Variants in NAA16 observed in about 807,000 individuals in gnomAD.
NAA16 encodes N-alpha-acetyltransferase 16, NatA auxiliary subunit.
In NAA16, 97 loss-of-function variants were observed where a neutral mutation model predicts 110.3. The ratio of observed to expected loss-of-function variants is 0.88; its 90% CI spans 0.75 to 1.04. The LOEUF (loss-of-function observed/expected upper bound fraction) is 1.04. Among genes scored for constraint, NAA16 ranks in the 50% least tolerant of loss-of-function variants. NAA16 has a pLI of 0.00. For missense variants in NAA16, 1,017 were observed against 1,005.1 expected, an observed-to-expected ratio of 1.01 and a Z score of -0.16; for synonymous variants, 372 against 330.6, an observed-to-expected ratio of 1.13 and a Z score of -1.36.
intron 15 of NAA16, among the ~76,000 whole-genome samples, chr13:41,369,805 T>C (rs544436553): frequency 1.2e-4 from 19 of 152,300 alleles, no homozygotes; most frequent in African/African-American, 4.6e-4. Flanking sequence ...AAAAAGGCAT[T>C]GAACGGATTC....
In NAA16 at chr13:41,339,439, G is replaced by A. The variant is rs535729399; in HGVS notation, c.1014+2683G>A. 1.7e-3 allele frequency among the ~76,000 whole-genome samples: 259 copies of A among 152,002 alleles called. 3 individuals are homozygous for A. The highest frequency in any genetic ancestry group is 6.0e-3 in the African/African-American group (250 of 41,450). On this transcript the variant is annotated intron_variant, in intron 9 of 19. Coordinates refer to ENST00000379406, the MANE Select transcript of NAA16 (RefSeq NM_024561.5). ...CAGGCGTGAGCCACCGCGCCTGGCC[G>A]AAATGTATTTCTTAAATGTCTCCAG...
intron 16 of NAA16, 47 bp from the exon 17 acceptor site, chr13:41,372,685 A>T: frequency 6.7e-7 from 1 of 1,486,940 alleles, no homozygotes; most frequent in South Asian, 1.4e-5. Flanking sequence ...TGAGGAAAAT[A>T]CTGTGTAAGT....
At chr13:41,355,806 G>A (rs928261498) in intron 10 of NAA16, among the ~76,000 whole-genome samples, 5 of 152,104 alleles carry the variant, frequency 3.3e-5, no homozygotes, top group African/African-American at 1.2e-4. Flanking sequence ...GTTTATATTG[G>A]AACCTGTTTT....
chr13:41,311,683 C>A (rs370258213), intron 1 of NAA16, 101 bp downstream of exon 1: 20 of 1,021,670 alleles, frequency 2.0e-5, no homozygotes, highest in Non-Finnish European at 2.8e-5. Context: ...GGCTTGGCCT[C>A]CGCTGCCCAC....
At chr13:41,375,233 G>C (rs897957956) in intron 19 of NAA16, among the ~76,000 whole-genome samples, 172 bp from the exon 20 acceptor site, 25 of 152,238 alleles carry the variant, frequency 1.6e-4, no homozygotes, top group Non-Finnish European at 2.5e-4. Context: ...TTTCGGGGTT[G>C]AATTTTTAAT....
chr13:41,354,857 A>G (rs1171857448), intron 9 of NAA16, among the ~76,000 whole-genome samples: 1 of 147,696 alleles, frequency 6.8e-6, no homozygotes, highest in African/African-American at 2.5e-5. Context: ...CTGAATATTT[A>G]TATAATGTGT....
chr13:41,367,282 A>T (rs1004860484), intron 13 of NAA16, among the ~76,000 whole-genome samples, 157 bp from the exon 14 acceptor site: 18 of 152,140 alleles, frequency 1.2e-4, no homozygotes, highest in African/African-American at 3.9e-4. Flanking sequence ...GCCAAAAATA[A>T]TTCATATCCT....
chr13:41,333,530 TC>T (rs1479186627), intron 8 of NAA16, among the ~76,000 whole-genome samples: 3 of 152,118 alleles, frequency 2.0e-5, no homozygotes, highest in Non-Finnish European at 2.9e-5. Flanking sequence ...CCATATGTGG[TC>T]TTTAGTTTCT....
At chr13:41,320,916 C>T (rs923938436) in intron 4 of NAA16, 92 bp downstream of exon 4, 1 of 1,141,328 alleles carries the variant, frequency 8.8e-7, no homozygotes, top group African/African-American at 1.6e-5. Context: ...AAGCCAAAAT[C>T]AAGTAGATTT....
intron 9 of NAA16, among the ~76,000 whole-genome samples, chr13:41,343,976 C>G (rs1044513050): frequency 6.6e-6 from 1 of 152,202 alleles, no homozygotes; most frequent in African/African-American, 2.4e-5. Context: ...ACCTCCCTGC[C>G]CCAGCAGTTT....
intron 10 of NAA16, among the ~76,000 whole-genome samples, chr13:41,355,441 G>GT (rs746681893): frequency 6.8e-4 from 103 of 152,164 alleles, no homozygotes; most frequent in Non-Finnish European, 1.0e-3. Context: ...TTGTTTGTTT[G>GT]TTTTTTGAGA....
At chr13:41,337,497 C>T (rs138614692) in intron 9 of NAA16, among the ~76,000 whole-genome samples, 5,922 of 148,462 alleles carry the variant, frequency 0.04, 130 homozygotes, top group Middle Eastern at 0.068. Context: ...GAGCCGAGAT[C>T]GCGCCACTGC....
At chr13:41,320,568 C>G (rs1056596154) in intron 3 of NAA16, 99 bp from the exon 4 acceptor site, 2 of 1,184,456 alleles carry the variant, frequency 1.7e-6, no homozygotes, top group Non-Finnish European at 2.3e-6. Flanking sequence ...TGAACAAATC[C>G]CAGGCAAAAT....
chr13:41,331,895 C>T (rs2042249254), intron 8 of NAA16, among the ~76,000 whole-genome samples: 1 of 152,110 alleles, frequency 6.6e-6, no homozygotes, highest in African/African-American at 2.4e-5. Context: ...AACAAAATAT[C>T]ATGTACTGCC....
At chr13:41,350,513 G>T (rs1187215538) in intron 9 of NAA16, among the ~76,000 whole-genome samples, 5 of 151,440 alleles carry the variant, frequency 3.3e-5, no homozygotes, top group Non-Finnish European at 5.9e-5. Context: ...AGCCAGGATG[G>T]TCTCGATCTC....
chr13:41,353,057 G>A (rs753650265), intron 9 of NAA16, among the ~76,000 whole-genome samples: 1 of 152,154 alleles, frequency 6.6e-6, no homozygotes, highest in Admixed American at 6.5e-5. Flanking sequence ...CGGAGGTTGC[G>A]GTGAGCAGAG....
In NAA16 at chr13:41,375,631, C is replaced by CCTG; in HGVS notation, c.*29_*30insCTG. ...CTTCTAGAAAGTAGACTCCTATAGA[C>CCTG]TCAAAGCTGAATTGAGATCAGGGTT... On this transcript the variant is annotated 3_prime_UTR_variant, in exon 20 of 20. Transcript: ENST00000379406. 6.6e-7 allele frequency: 1 copy of CCTG among 1,518,732 alleles called. No individual in the cohort carries two copies. Among genetic ancestry groups the CCTG allele is most frequent in the Non-Finnish European group, 9.0e-7 (1 of 1,113,810 alleles). The allele number at this position is 1,518,732 out of a possible 1,614,324, so 94.1% of individuals were successfully genotyped here.
At position 41,364,163 on chromosome 13, in the gene NAA16, G is replaced by A. The variant is rs61963966; in HGVS notation, c.1539+2004G>A. On this transcript the variant is annotated intron_variant, in intron 13 of 19. Coordinates refer to ENST00000379406, the MANE Select transcript of NAA16 (RefSeq NM_024561.5). ...GTCTTAAATATTTTAATAAGGACACGGACACCTCTCAGAAATAAAACTTTG... is the reference window on the plus strand; with the variant it reads ...GTCTTAAATATTTTAATAAGGACACAGACACCTCTCAGAAATAAAACTTTG... Among the ~76,000 whole-genome samples, 537 of 152,062 alleles carry A rather than the reference G, an allele frequency of 3.5e-3. 4 individuals are homozygous for A. The highest frequency in any genetic ancestry group is 0.011 in the African/African-American group (474 of 41,502).
intron 4 of NAA16, 117 bp from the exon 5 acceptor site, chr13:41,322,939 G>C: frequency 1.0e-6 from 1 of 966,410 alleles, no homozygotes; most frequent in South Asian, 1.4e-5. Context: ...ATTTTATTCT[G>C]AAACTGATCT....
Sources: gnomAD v4.1 joint callset for allele counts (sites outside exome capture counted in the v4.1 genomes callset) on GRCh38, gnomAD v4.1.1 for gene constraint, MANE v1.5 for transcripts, NCBI Gene and HGNC (gene_info 2026-07-23, HGNC 2026-07-21) for gene names.